Variants in GALNT16 observed in about 807,000 individuals in gnomAD.
The protein encoded by GALNT16 is polypeptide N-acetylgalactosaminyltransferase 16, also known as UDP-GalNAc:polypeptide N-acetylgalactosaminyltransferase-like protein 1.
In GALNT16, 40 loss-of-function variants were observed where a neutral mutation model predicts 76.1. That is an observed-to-expected ratio of 0.53 (90% CI 0.41 to 0.68). The LOEUF is 0.68. GALNT16 is among the 30% of genes least tolerant of loss of function. The probability of loss-of-function intolerance (pLI) is 0.00; values close to 1 mark genes in which losing one functional copy is unlikely to be tolerated. For synonymous variants in GALNT16, 276 were observed against 285.2 expected, an observed-to-expected ratio of 0.97 and a Z score of 0.32; for missense variants, 621 against 731.9, an observed-to-expected ratio of 0.85 and a Z score of 1.75.
At chr14:69,385,509 C>T in the GALNT16 span, among the ~76,000 whole-genome samples, 1 of 152,014 alleles carries the variant, frequency 6.6e-6, no homozygotes, top group African/African-American at 2.4e-5. Context: ...TTTGAGCTAT[C>T]AGTTTCTCCT....
chr14:69,358,926 CTT>C (rs2045708461), downstream of GALNT16: 1 of 152,364 alleles, frequency 6.6e-6, no homozygotes, highest in African/African-American at 2.4e-5. Context: ...TCTGCTTTCT[CTT>C]GTTTGTGCTT....
At position 69,260,410 on chromosome 14, in the gene GALNT16, G is replaced by C. The variant is rs779949736; in HGVS notation, c.120G>C (p.Ala40=). The C allele has an allele frequency of 2.5e-6, 4 of 1,600,540 alleles. No individual in the cohort carries two copies. The South Asian group carries it at 4.5e-5, about 18-fold the overall frequency. Residue 40 remains alanine (A), a synonymous_variant, in exon 1 of 15, where the codon GCG becomes GCC. Coordinates refer to ENST00000448469, the MANE Select transcript of GALNT16 (RefSeq NM_001168368.2). ...CAGCATCCTCCGGCGGCCGGGGCGC[G>C]CAGAGGGCAGGCAGGAGGTCGGAGC... is the stretch of plus-strand genomic sequence containing the variant. ...AHAASSGGRG[A]QRAGRRSEQL...
At chr14:69,341,998 G>A (rs1262624880) in intron 12 of GALNT16, among the ~76,000 whole-genome samples, 1 of 152,174 alleles carries the variant, frequency 6.6e-6, no homozygotes, top group African/African-American at 2.4e-5. Flanking sequence ...AGATATGGAC[G>A]TTATCCCCTT....
At chr14:69,346,917 C>G in intron 12 of GALNT16, 123 bp from the exon 13 acceptor site, 1 of 1,169,448 alleles carries the variant, frequency 8.6e-7, no homozygotes, top group Non-Finnish European at 1.3e-6. Context: ...CCAGGCTGCT[C>G]CCGGGCCCCT....
chr14:69,368,225 G>C, the GALNT16 span, among the ~76,000 whole-genome samples: 2 of 152,106 alleles, frequency 1.3e-5, no homozygotes, highest in Non-Finnish European at 2.9e-5. Flanking sequence ...GACTCTATTA[G>C]CTACCTATTG....
Position 69,347,143 on chromosome 14 carries a change from A to T in GALNT16, c.1375A>T (p.Ile459Phe). Residue 459 changes from isoleucine to phenylalanine, a missense_variant, in exon 13 of 15, where the codon ATC (isoleucine) becomes TTC (phenylalanine). Physicochemically the swap from Ile to Phe is conservative, Grantham distance 21 (BLOSUM62 0). Coordinates refer to ENST00000448469, the MANE Select transcript of GALNT16 (RefSeq NM_001168368.2). The stretch of plus-strand genomic sequence containing the variant: ...TGGTGACTTCCTGCTTGGAATGGGG[A>T]TCTGCAGAGGGTCTGCCAAGAACCC... ...TAGDFLLGMG[I>F]CRGSAKNPQP... The T allele has an allele frequency of 6.2e-7, 1 of 1,613,608 alleles. No homozygotes were observed. The highest frequency in any genetic ancestry group is 1.1e-5 in the South Asian group (1 of 91,038).
chr14:69,286,133 G>A (rs2044608083), intron 1 of GALNT16, among the ~76,000 whole-genome samples: 1 of 152,118 alleles, frequency 6.6e-6, no homozygotes, highest in Admixed American at 6.5e-5. Flanking sequence ...GAACCACAGG[G>A]CGCAGAACTC....
intron 2 of GALNT16, among the ~76,000 whole-genome samples, chr14:69,322,134 G>A (rs761370526): frequency 6.6e-6 from 1 of 152,244 alleles, no homozygotes; most frequent in South Asian, 2.1e-4. Context: ...TTGCTGTCCT[G>A]TAACGCCAGC....
At chr14:69,260,580 G>T in intron 1 of GALNT16, 113 bp downstream of exon 1, 1 of 719,232 alleles carries the variant, frequency 1.4e-6, no homozygotes, top group Non-Finnish European at 1.9e-6. Flanking sequence ...CCGCTGCGCC[G>T]GGCCGGCTTT....
chr14:69,314,804 G>T (rs560902939), intron 1 of GALNT16, among the ~76,000 whole-genome samples: 7 of 152,220 alleles, frequency 4.6e-5, no homozygotes, highest in Admixed American at 1.3e-4. Flanking sequence ...TATTCACCAG[G>T]TGTTTTTGGT....
intron 1 of GALNT16, among the ~76,000 whole-genome samples, chr14:69,283,961 G>A (rs1392504199): frequency 2.0e-5 from 3 of 152,182 alleles, no homozygotes; most frequent in Admixed American, 6.5e-5. Context: ...AGTAAGGTGG[G>A]AATCGGTGAT....
chr14:69,333,182 G>T lies in GALNT16; in HGVS notation c.863+13G>T. 6.4e-7 allele frequency: 1 copy of T among 1,566,580 alleles called. No individual in the cohort carries two copies. Among genetic ancestry groups the T allele is most frequent in the Non-Finnish European group, 8.8e-7 (1 of 1,142,260 alleles). ...CCAGGCCCATAAGGTCAGAGCTGCGGTGGGCTCTGGGGGACCCCTTCCTTC... is the reference window on the plus strand; with the variant it reads ...CCAGGCCCATAAGGTCAGAGCTGCGTTGGGCTCTGGGGGACCCCTTCCTTC... On this transcript the variant is annotated intron_variant, in intron 8 of 14. Transcript: ENST00000448469. This position sits in a 1 kb window ranked among gnomAD's most constrained non-coding sequence, Gnocchi z 4.2.
At chr14:69,269,032 C>T (rs754713921) in intron 1 of GALNT16, among the ~76,000 whole-genome samples, 3 of 152,306 alleles carry the variant, frequency 2.0e-5, no homozygotes, top group Non-Finnish European at 4.4e-5. Flanking sequence ...AAATTCCACT[C>T]GGTGCACAGG....
chr14:69,298,334 C>G (rs2044797338), intron 1 of GALNT16, among the ~76,000 whole-genome samples: 1 of 152,200 alleles, frequency 6.6e-6, no homozygotes, highest in Non-Finnish European at 1.5e-5. Context: ...GGCCCTCCCT[C>G]CTTCAGCTTG....
chr14:69,313,931 A>G (rs536769289), intron 1 of GALNT16, among the ~76,000 whole-genome samples: 1 of 152,328 alleles, frequency 6.6e-6, no homozygotes, highest in East Asian at 1.9e-4. Context: ...GGTCCCTCGT[A>G]GTTCCAAGAT....
chr14:69,271,467 TC>T (rs2044407047), intron 1 of GALNT16, among the ~76,000 whole-genome samples: 1 of 152,142 alleles, frequency 6.6e-6, no homozygotes, highest in East Asian at 1.9e-4. Context: ...GCCCCTGGGA[TC>T]CCCGAAGCCA....
At chr14:69,279,005 C>T (rs2044507465) in intron 1 of GALNT16, among the ~76,000 whole-genome samples, 1 of 151,526 alleles carries the variant, frequency 6.6e-6, no homozygotes, top group African/African-American at 2.4e-5. Context: ...AGTATCAGCT[C>T]ACTGCAACCT....
chr14:69,278,637 A>G (rs924211809), intron 1 of GALNT16, among the ~76,000 whole-genome samples: 2 of 152,186 alleles, frequency 1.3e-5, no homozygotes, highest in Non-Finnish European at 2.9e-5. Flanking sequence ...TAAATGATGA[A>G]TGTTTAGATT....
At chr14:69,312,637 G>C (rs1156972397) in intron 1 of GALNT16, among the ~76,000 whole-genome samples, 1 of 152,202 alleles carries the variant, frequency 6.6e-6, no homozygotes, top group Non-Finnish European at 1.5e-5. Flanking sequence ...TGCTGATTTG[G>C]TCTGAGTACA....
Sources: allele counts gnomAD v4.1 joint callset (sites outside exome capture counted in the v4.1 genomes callset), GRCh38; gene constraint gnomAD v4.1.1; non-coding constraint Gnocchi (gnomAD v3.1); transcripts MANE v1.5; gene names NCBI Gene and HGNC (gene_info 2026-07-23, HGNC 2026-07-21).